Variants in TENT5D observed in about 807,000 individuals in gnomAD.
TENT5D encodes terminal nucleotidyltransferase 5D.
For missense variants in TENT5D, 191 were observed against 287.0 expected (o/e 0.67, Z 2.42); for synonymous variants, 103 against 100.6 (o/e 1.02, Z -0.15).
intron 1 of TENT5D, among the ~76,000 whole-genome samples, chrX:80,434,847 A>G (rs1208918761): frequency 9.7e-6 from 1 of 103,433 alleles, no homozygotes; most frequent in East Asian, 3.0e-4. Flanking sequence ...CCATGACACG[A>G]TCTCGGCTCA....
chrX:80,360,145 A>T (rs1930375397), intron 3 of TENT5D, among the ~76,000 whole-genome samples: 1 of 111,917 alleles, frequency 8.9e-6, no homozygotes, highest in Non-Finnish European at 1.9e-5. Context: ...ATCTTTCCCC[A>T]TTGCACTTAA....
chrX:80,405,387 G>A (rs1931464641), intron 3 of TENT5D, among the ~76,000 whole-genome samples: 1 of 112,401 alleles, frequency 8.9e-6, no homozygotes, highest in African/African-American at 3.2e-5. Context: ...GCGCAGGTCA[G>A]TGGGTGCACG....
chrX:80,434,510 C>T (rs1329199684), intron 1 of TENT5D, among the ~76,000 whole-genome samples: 1 of 111,585 alleles, frequency 9.0e-6, no homozygotes, highest in Non-Finnish European at 1.9e-5. Context: ...TTTCAAGCTT[C>T]ACAATTATCT....
chrX:80,411,244 TAAAAAAA>T (rs201545701), intron 3 of TENT5D, among the ~76,000 whole-genome samples: 1 of 105,670 alleles, frequency 9.5e-6, no homozygotes, highest in Non-Finnish European at 2.0e-5. Flanking sequence ...TAAAGTATAA[TAAAAAAA>T]AAAGAAAGAA....
intron 3 of TENT5D, among the ~76,000 whole-genome samples, chrX:80,386,725 T>G (rs1232240121): frequency 9.0e-6 from 1 of 111,481 alleles, no homozygotes; most frequent in Non-Finnish European, 1.9e-5. Context: ...TAAATCATTT[T>G]AATTTTGTGA....
chrX:80,395,807 T>G (rs1209332565), intron 3 of TENT5D, among the ~76,000 whole-genome samples: 1 of 107,091 alleles, frequency 9.3e-6, no homozygotes, highest in Non-Finnish European at 1.9e-5. Context: ...CCTATTCAGC[T>G]GTAATTTTGT....
intron 1 of TENT5D, among the ~76,000 whole-genome samples, chrX:80,429,816 CATCTTTT>C (rs1467585878): frequency 3.0e-4 from 33 of 111,396 alleles, no homozygotes; most frequent in African/African-American, 9.5e-4. Flanking sequence ...GTAATAAATA[CATCTTTT>C]AAGATTATCT....
chrX:80,336,253 C>G (rs1929848139), intron 2 of TENT5D, among the ~76,000 whole-genome samples: 1 of 110,397 alleles, frequency 9.1e-6, no homozygotes, highest in African/African-American at 3.3e-5. Flanking sequence ...TTCTTTTTAT[C>G]TTTGTTTCTT....
intron 3 of TENT5D, among the ~76,000 whole-genome samples, chrX:80,372,414 G>A (rs939428435): frequency 1.8e-5 from 2 of 111,918 alleles, no homozygotes; most frequent in African/African-American, 6.5e-5. Flanking sequence ...GCATTATCAT[G>A]ATACTGTGTG....
upstream of TENT5D, among the ~76,000 whole-genome samples, chrX:80,417,794 G>A (rs756312567): frequency 9.0e-6 from 1 of 110,870 alleles, no homozygotes; most frequent in East Asian, 2.9e-4. Context: ...TCTTGGGTAA[G>A]GTCATCATGT....
At chrX:80,421,768 G>A (rs1368466904) in intron 1 of TENT5D, among the ~76,000 whole-genome samples, 1 of 111,716 alleles carries the variant, frequency 9.0e-6, no homozygotes, top group African/African-American at 3.3e-5. Flanking sequence ...AGAGTAGAAG[G>A]TGTTGAAATG....
intron 3 of TENT5D, among the ~76,000 whole-genome samples, chrX:80,382,364 C>T (rs1162898993): frequency 1.8e-5 from 2 of 111,357 alleles, no homozygotes; most frequent in Non-Finnish European, 1.9e-5. Context: ...CTCAGAGGAC[C>T]ACCCGGTTGT....
intron 3 of TENT5D, among the ~76,000 whole-genome samples, chrX:80,409,437 C>T (rs1334120739): frequency 9.0e-6 from 1 of 111,239 alleles, no homozygotes; most frequent in Non-Finnish European, 1.9e-5. Flanking sequence ...AAATCACAAG[C>T]ATTCTTATAC....
At chrX:80,419,444 A>G (rs1041391966), upstream of TENT5D, among the ~76,000 whole-genome samples, 6 of 111,955 alleles carry the variant, frequency 5.4e-5, no homozygotes, top group African/African-American at 1.3e-4. Context: ...AGTCTTTTCT[A>G]TGTTTTACTG....
chrX:80,337,601 C>G (rs1421632136), intron 2 of TENT5D, among the ~76,000 whole-genome samples: 1 of 111,317 alleles, frequency 9.0e-6, no homozygotes, highest in Non-Finnish European at 1.9e-5. Context: ...TTTCACTGTT[C>G]TAGAGTTTTC....
intron 2 of TENT5D, among the ~76,000 whole-genome samples, chrX:80,339,154 T>G (rs1191653480): frequency 4.5e-5 from 5 of 111,271 alleles, no homozygotes; most frequent in African/African-American, 1.6e-4. Flanking sequence ...GTATTCAACC[T>G]AGGTCTTCTT....
At chrX:80,403,564 C>T (rs368433299) in intron 3 of TENT5D, among the ~76,000 whole-genome samples, 2 of 112,323 alleles carry the variant, frequency 1.8e-5, no homozygotes, top group East Asian at 2.8e-4. Flanking sequence ...TGGCAAGCTT[C>T]GCTGTGCTTT....
chrX:80,369,745 G>A (rs1288257886), intron 3 of TENT5D, among the ~76,000 whole-genome samples: 2 of 111,326 alleles, frequency 1.8e-5, no homozygotes, highest in Admixed American at 1.9e-4. Flanking sequence ...AGTGAGATGT[G>A]AAACCATAGA....
Position 80,439,620 on chromosome X carries a change from A to G in TENT5D, c.-19+888A>G, listed in dbSNP as rs948255702. On this transcript the variant is annotated intron_variant, in intron 2 of 2. Transcript: ENST00000308293. ...TGTGAAAATGAACAGTAGCTGTGCC[A>G]AAAGGAGCATAACATTATTGTCAAA... 3.6e-5 allele frequency among the ~76,000 whole-genome samples: 4 copies of G among 111,067 alleles called. No individual in the cohort carries two copies. In the East Asian group the frequency reaches 1.1e-3, roughly 31 times the overall value.
Sources: gnomAD v4.1 joint callset for allele counts (sites outside exome capture counted in the v4.1 genomes callset) on GRCh38, gnomAD v4.1.1 for gene constraint, MANE v1.5 for transcripts, NCBI Gene and HGNC (gene_info 2026-07-23, HGNC 2026-07-21) for gene names.